Variants in SART3 observed in about 807,000 individuals in gnomAD.
SART3 encodes HIV-1 Tat-interacting protein of 110kDa.
A neutral mutation model predicts 122.3 loss-of-function variants in SART3; 44 were observed. The observed-to-expected ratio is 0.36, with a 90% confidence interval of 0.28 to 0.46. The LOEUF (loss-of-function observed/expected upper bound fraction) is 0.46, where lower values mean the gene tolerates loss of function less well. SART3 is among the 20% of genes least tolerant of loss of function. The probability of loss-of-function intolerance (pLI) is 1.00; values close to 1 mark genes in which losing one functional copy is unlikely to be tolerated. For synonymous variants in SART3, 442 were observed against 454.0 expected, an observed-to-expected ratio of 0.97 and a Z score of 0.34; for missense variants, 1,101 against 1,229.0, an observed-to-expected ratio of 0.90 and a Z score of 1.56.
chr12:108,545,780 A>G (rs750662725), intron 3 of SART3, among the ~76,000 whole-genome samples: 3 of 152,154 alleles, frequency 2.0e-5, no homozygotes, highest in Non-Finnish European at 4.4e-5. Context: ...AGCCTGGCCA[A>G]TATGGTGAAA....
At chr12:108,535,755 A>G (rs1251861954) in intron 11 of SART3, among the ~76,000 whole-genome samples, 1 of 150,498 alleles carries the variant, frequency 6.6e-6, no homozygotes, top group Non-Finnish European at 1.5e-5. Flanking sequence ...ATTTTTATCA[A>G]GCTTAACTAC....
intron 3 of SART3, 140 bp from the exon 4 acceptor site, chr12:108,545,463 T>C: frequency 1.3e-6 from 1 of 766,414 alleles, no homozygotes; most frequent in East Asian, 2.7e-5. Context: ...ACAGCAGAGA[T>C]GACCATAAAG....
In SART3 at chr12:108,545,193, G is replaced by A. The variant is rs754866206; in HGVS notation, c.675C>T (p.Leu225=). The A allele has an allele frequency of 1.7e-5, 27 of 1,613,866 alleles. No homozygotes were observed. The Admixed American group carries it at 3.2e-4, about 19-fold the overall frequency. ...ACTCTCGGTAAGCCTCCCAGAGGGCGAGTCCTTTGGTCATATGTAAACCAA... is the reference window on the plus strand; with the variant it reads ...ACTCTCGGTAAGCCTCCCAGAGGGCAAGTCCTTTGGTCATATGTAAACCAA... The part of the protein sequence containing the change: ...SSVGLHMTKG[L]ALWEAYREFE... Residue 225 remains leucine (L), a synonymous_variant, in exon 4 of 19, where the codon CTC becomes CTT. Coordinates refer to ENST00000546815, the MANE Select transcript of SART3 (RefSeq NM_014706.4).
intron 1 of SART3, among the ~76,000 whole-genome samples, chr12:108,550,080 T>C (rs2029943610): frequency 6.6e-6 from 1 of 151,048 alleles, no homozygotes; most frequent in Non-Finnish European, 1.5e-5. Context: ...AGCAGGTTGG[T>C]ATCTGTTGAT....
chr12:108,536,722 T>C lies in SART3; in HGVS notation c.1373A>G (p.Gln458Arg), dbSNP rs1045972089. 1.2e-6 allele frequency: 2 copies of C among 1,614,016 alleles called. No individual in the cohort carries two copies. The highest frequency in any genetic ancestry group is 1.3e-5 in the African/African-American group (1 of 75,044). ...GGCATACTTACGCTCTTCCACCTCC[T>C]GCTTCAGATACTCCAAGGCACGAGT... is the stretch of plus-strand genomic sequence containing the variant. ...AFTRALEYLKQEVEERFNESG... is the reference protein window; with the variant it reads ...AFTRALEYLKREVEERFNESG... The change falls in exon 10 of 19, where the codon CAG becomes CGG. Residue 458 changes from glutamine (Q) to arginine (R), a missense_variant. By Grantham distance (43) the Gln-to-Arg change is conservative. Around this residue, in one of 2 missense-constraint regions of SART3, gnomAD observed 885 missense variants for 1,080.1 expected, o/e 0.82. Transcript: ENST00000546815.
At chr12:108,545,797 C>T (rs575127219) in intron 3 of SART3, among the ~76,000 whole-genome samples, 182 of 152,146 alleles carry the variant, frequency 1.2e-3, no homozygotes, top group Admixed American at 2.9e-3. Flanking sequence ...GAAACCCCGT[C>T]TCTACTAAAA....
chr12:108,556,611 A>G (rs2030230217), intron 1 of SART3, among the ~76,000 whole-genome samples: 1 of 152,222 alleles, frequency 6.6e-6, no homozygotes, highest in Non-Finnish European at 1.5e-5. Context: ...TCAGGACACA[A>G]GTGTTCTAAT....
chr12:108,540,977 TA>T (rs1242540573), intron 6 of SART3, among the ~76,000 whole-genome samples: 1 of 152,134 alleles, frequency 6.6e-6, no homozygotes, highest in Non-Finnish European at 1.5e-5. Flanking sequence ...CAGAAAACTA[TA>T]AAACTTTTAG....
intron 6 of SART3, among the ~76,000 whole-genome samples, chr12:108,541,085 T>C (rs1322234466): frequency 1.3e-5 from 2 of 152,180 alleles, no homozygotes; most frequent in Non-Finnish European, 2.9e-5. Context: ...CACTAAGAAC[T>C]GTTCATCAAA....
intron 15 of SART3, among the ~76,000 whole-genome samples, chr12:108,527,832 C>T (rs1593233136): frequency 6.6e-6 from 1 of 152,280 alleles, no homozygotes; most frequent in East Asian, 1.9e-4. Flanking sequence ...ACGGCATGAT[C>T]TCTACTCATT....
intron 11 of SART3, 83 bp from the exon 12 acceptor site, chr12:108,535,551 C>A: frequency 9.1e-7 from 1 of 1,102,868 alleles, no homozygotes. Context: ...AACAGACACA[C>A]ATAAAAAGCA....
intron 18 of SART3, 141 bp from the exon 19 acceptor site, chr12:108,523,775 C>T (rs954481533): frequency 2.2e-5 from 18 of 805,106 alleles, no homozygotes; most frequent in African/African-American, 7.0e-5. Context: ...ATCCCTGCCT[C>T]CTTAATTCTG....
At chr12:108,545,923 A>T (rs1010906549) in intron 3 of SART3, among the ~76,000 whole-genome samples, 2 of 141,648 alleles carry the variant, frequency 1.4e-5, no homozygotes, top group African/African-American at 5.2e-5. Context: ...AGCCGAGATC[A>T]CACCACTGCA....
At chr12:108,530,076 A>C (rs1872594197) in intron 15 of SART3, 66 bp downstream of exon 15, 1 of 1,570,322 alleles carries the variant, frequency 6.4e-7, no homozygotes, top group South Asian at 1.1e-5. Flanking sequence ...AAAGTTCTTC[A>C]TACTGTATTC....
rs750197100 is a variant in SART3, at chr12:108,526,173, C to A, written c.2296G>T (p.Asp766Tyr). The A allele has an allele frequency of 6.2e-7, 1 of 1,614,234 alleles. No individual in the cohort carries two copies. Reference sequence around the variant, plus strand: ...GGCCTCCCTTCTACACTTTTCCGGTCCATCTCCAGTGCCTGAAGGGCTGAT... The same window carrying A: ...GGCCTCCCTTCTACACTTTTCCGGTACATCTCCAGTGCCTGAAGGGCTGAT... ...EKSALQALEMDRKSVEGRPMF... is the reference protein window; with the variant it reads ...EKSALQALEMYRKSVEGRPMF... Residue 766 changes from aspartate (D) to tyrosine (Y), a missense_variant, in exon 16 of 19, where the codon GAC (aspartate) becomes TAC (tyrosine). Physicochemically the swap from Asp to Tyr is radical, Grantham distance 160. Coordinates refer to ENST00000546815, the MANE Select transcript of SART3 (RefSeq NM_014706.4).
chr12:108,532,614 T>C (rs1872728069), intron 12 of SART3: 1 of 400,180 alleles, frequency 2.5e-6, no homozygotes, highest in Non-Finnish European at 4.8e-6. Context: ...CTTTACAGCA[T>C]TCACATGTGC....
chr12:108,542,044 T>C (rs1387656527), intron 6 of SART3, among the ~76,000 whole-genome samples: 1 of 135,312 alleles, frequency 7.4e-6, no homozygotes, highest in Non-Finnish European at 1.5e-5. Flanking sequence ...GACAGGGTTG[T>C]GCTACGCTGC....
chr12:108,526,433 G>A lies in SART3; in HGVS notation c.2036C>T (p.Ser679Leu), dbSNP rs370133415. Reference sequence around the variant, plus strand: ...GGAGGCTGCCTTCTCCTTCTGCTTCGAAGGGGGCTCCACATCTACGGCAGC... The same window carrying A: ...GGAGGCTGCCTTCTCCTTCTGCTTCAAAGGGGGCTCCACATCTACGGCAGC... ...KCAAVDVEPP[S>L]KQKEKAASLK... The change falls in exon 16 of 19, where the codon TCG becomes TTG. Residue 679 changes from serine (S) to leucine (L), a missense_variant. By Grantham distance (145) the Ser-to-Leu change is moderately radical. Transcript: ENST00000546815. The A allele has an allele frequency of 8.7e-6, 14 of 1,614,138 alleles. No individual in the cohort carries two copies. In the African/African-American group the frequency reaches 1.2e-4, roughly 14 times the overall value.
rs1264880496 is a variant in SART3, at chr12:108,560,835, G to A, written c.312+8C>T. 5.8e-6 allele frequency: 9 copies of A among 1,543,186 alleles called. No homozygotes were observed. The highest frequency in any genetic ancestry group is 7.9e-6 in the Non-Finnish European group (9 of 1,136,516). On this transcript the variant is annotated splice_region_variant and intron_variant, in intron 1 of 18. Transcript: ENST00000546815. ...TGGAAGATGCCCGCTGCCCACCCCCGGGCCCACCTGCTCCTCCAGTCTCTC... is the reference window on the plus strand; with the variant it reads ...TGGAAGATGCCCGCTGCCCACCCCCAGGCCCACCTGCTCCTCCAGTCTCTC...
Sources: allele counts gnomAD v4.1 joint callset (sites outside exome capture counted in the v4.1 genomes callset), GRCh38; gene constraint gnomAD v4.1.1; regional missense constraint gnomAD v4.1.1; transcripts MANE v1.5; gene names NCBI Gene and HGNC (gene_info 2026-07-23, HGNC 2026-07-21).